Variants in ZNRF1 observed in about 807,000 individuals in gnomAD.
The protein encoded by ZNRF1 is zinc and ring finger 1, also known as E3 ubiquitin-protein ligase ZNRF1.
ZNRF1 carries 3 observed loss-of-function variants against 18.4 expected under a neutral mutation model. The observed-to-expected ratio is 0.16, with a 90% CI of 0.07 to 0.42. The LOEUF (loss-of-function observed/expected upper bound fraction) is 0.42, where lower values mean the gene tolerates loss of function less well. Ranked by LOEUF, ZNRF1 falls within the 10% of genes least tolerant of loss-of-function variation. The probability of loss-of-function intolerance (pLI) is 0.99; values close to 1 mark genes in which losing one functional copy is unlikely to be tolerated. For missense variants in ZNRF1, 310 were observed against 329.8 expected (o/e 0.94, Z 0.47); for synonymous variants, 157 against 144.2 (o/e 1.09, Z -0.64).
intron 1 of ZNRF1, among the ~76,000 whole-genome samples, chr16:75,010,711 G>GTTTT (rs67210395): frequency 0.17 from 12,487 of 72,102 alleles, 1,409 homozygotes; most frequent in South Asian, 0.31. Context: ...GTTTTTTTTT[G>GTTTT]TTTTTTTGTT....
At chr16:75,006,528 C>T (rs1041411747) in intron 1 of ZNRF1, among the ~76,000 whole-genome samples, 2 of 152,234 alleles carry the variant, frequency 1.3e-5, no homozygotes, top group Non-Finnish European at 2.9e-5. Flanking sequence ...GTCCACTTCC[C>T]GGGTTCAAGT....
At chr16:75,046,396 C>T (rs139735734) in intron 1 of ZNRF1, among the ~76,000 whole-genome samples, 443 of 151,560 alleles carry the variant, frequency 2.9e-3, no homozygotes, top group African/African-American at 0.01. Context: ...GGATTACAGG[C>T]ATGTGCCACC....
intron 1 of ZNRF1, among the ~76,000 whole-genome samples, chr16:75,052,903 C>A (rs144896607): frequency 5.5e-4 from 84 of 152,322 alleles, no homozygotes; most frequent in African/African-American, 1.9e-3. Flanking sequence ...CACAAACTTA[C>A]AGAGTTAAAG....
At chr16:75,072,506 T>G (rs941653568) in intron 1 of ZNRF1, among the ~76,000 whole-genome samples, 2 of 152,178 alleles carry the variant, frequency 1.3e-5, no homozygotes, top group Admixed American at 6.5e-5. Context: ...AAACTGCCCC[T>G]TGTACTGTTC....
chr16:75,078,296 C>CTTTTTT (rs36075131), intron 1 of ZNRF1, among the ~76,000 whole-genome samples: 11 of 113,126 alleles, frequency 9.7e-5, no homozygotes, highest in Middle Eastern at 4.9e-3. Context: ...TCTTTCTTTC[C>CTTTTTT]TTTTTTTTTT....
At chr16:75,094,601 TAAAGGC>T (rs930946443) in intron 2 of ZNRF1, among the ~76,000 whole-genome samples, 87 of 152,296 alleles carry the variant, frequency 5.7e-4, no homozygotes, top group African/African-American at 2.1e-3. Flanking sequence ...AGATGGCACA[TAAAGGC>T]CTTTGGTACA....
chr16:75,027,684 T>A (rs1386865004), intron 1 of ZNRF1, among the ~76,000 whole-genome samples: 1 of 152,182 alleles, frequency 6.6e-6, no homozygotes, highest in Non-Finnish European at 1.5e-5. Flanking sequence ...CTCTTTTGCC[T>A]TGTCACACTT....
intron 1 of ZNRF1, among the ~76,000 whole-genome samples, chr16:75,083,041 A>C (rs2036033450): frequency 3.9e-5 from 6 of 152,246 alleles, no homozygotes; most frequent in Admixed American, 3.9e-4. Context: ...ACCATATTGA[A>C]AAAAATTGTT....
At chr16:75,099,781 A>G (rs996099094) in intron 2 of ZNRF1, among the ~76,000 whole-genome samples, 4 of 152,172 alleles carry the variant, frequency 2.6e-5, no homozygotes, top group Non-Finnish European at 5.9e-5. Flanking sequence ...GGCCCCCGCC[A>G]TGGCTTTTCT....
At chr16:75,001,171 G>A (rs1436575894) in intron 1 of ZNRF1, among the ~76,000 whole-genome samples, 1 of 152,168 alleles carries the variant, frequency 6.6e-6, no homozygotes, top group East Asian at 1.9e-4. Context: ...TAGTGTAGGG[G>A]AAAGATTGCT....
At chr16:75,018,666 T>G (rs985577060) in intron 1 of ZNRF1, among the ~76,000 whole-genome samples, 1 of 152,226 alleles carries the variant, frequency 6.6e-6, no homozygotes, top group Non-Finnish European at 1.5e-5. Context: ...GGCTTTCTCC[T>G]TTCAGTTGTA....
Position 74,999,374 on chromosome 16 carries a change from G to T in ZNRF1, c.-298G>T. Reference sequence around the variant, plus strand: ...GCGGCTCCCCCGGCTTTCGGAGCCCGGGGGCGGCCTGTGGCGCGCGGAGCC... The same window carrying T: ...GCGGCTCCCCCGGCTTTCGGAGCCCTGGGGCGGCCTGTGGCGCGCGGAGCC... On this transcript the variant is annotated 5_prime_UTR_variant, in exon 1 of 5. Transcript: ENST00000335325. The T allele has an allele frequency of 4.4e-6, 1 of 225,996 alleles. No homozygotes were observed. The highest frequency in any genetic ancestry group is 1.8e-4 in the South Asian group (1 of 5,582). 14.0% of individuals were successfully genotyped at this position (225,996 alleles called of 1,614,324 possible).
rs1252652548 is a variant in ZNRF1 at position 75,041,827 on chromosome 16, A to AT, written c.424+41732_424+41733insT. Among the ~76,000 whole-genome samples the AT allele has an allele frequency of 2.3e-4, 34 of 150,470 alleles. No homozygotes were observed. The South Asian group carries it at 3.3e-3, about 15-fold the overall frequency. ...GTGAAACCCCATCTCTACTAAAAAA[A>AT]AAAATATATATATATAAAATTAGCT... On this transcript the variant is annotated intron_variant, in intron 1 of 4. Transcript: ENST00000335325.
At chr16:75,030,051 A>G (rs974832146) in intron 1 of ZNRF1, among the ~76,000 whole-genome samples, 1 of 142,714 alleles carries the variant, frequency 7.0e-6, no homozygotes, top group Non-Finnish European at 1.5e-5. Context: ...TGACAGAGCA[A>G]GATGCTATCT....
At chr16:75,067,557 T>C (rs1226689173) in intron 1 of ZNRF1, among the ~76,000 whole-genome samples, 1 of 152,190 alleles carries the variant, frequency 6.6e-6, no homozygotes, top group South Asian at 2.1e-4. Flanking sequence ...AAGGGAACTT[T>C]TAAGCTTCTA....
chr16:75,066,795 C>T (rs1474754171), intron 1 of ZNRF1, among the ~76,000 whole-genome samples: 2 of 152,100 alleles, frequency 1.3e-5, no homozygotes, highest in African/African-American at 2.4e-5. Context: ...TGAGCCACCA[C>T]CCCTAGCCTA....
At chr16:75,014,427 A>G (rs1344014143) in intron 1 of ZNRF1, among the ~76,000 whole-genome samples, 2 of 152,220 alleles carry the variant, frequency 1.3e-5, no homozygotes, top group African/African-American at 4.8e-5. Flanking sequence ...GTGTGTGTGT[A>G]TATATGCTAC....
At chr16:75,026,151 A>G (rs956465122) in intron 1 of ZNRF1, among the ~76,000 whole-genome samples, 6 of 152,200 alleles carry the variant, frequency 3.9e-5, no homozygotes, top group Non-Finnish European at 8.8e-5. Context: ...AGAATAATCA[A>G]ATGACCAATA....
chr16:75,090,099 T>C (rs2036118350), intron 1 of ZNRF1, among the ~76,000 whole-genome samples: 1 of 152,162 alleles, frequency 6.6e-6, no homozygotes, highest in Non-Finnish European at 1.5e-5. Flanking sequence ...AGTGCAGGTG[T>C]CCTTTAGTTA....
Sources: gnomAD v4.1 joint callset for allele counts (sites outside exome capture counted in the v4.1 genomes callset) on GRCh38, gnomAD v4.1.1 for gene constraint, MANE v1.5 for transcripts, NCBI Gene and HGNC (gene_info 2026-07-23, HGNC 2026-07-21) for gene names.